The following POLR3F variants were observed in gnomAD, a reference collection of about 807,000 sequenced individuals.
POLR3F encodes the protein DNA-directed RNA polymerase III subunit RPC6.
A neutral mutation model predicts 43.6 loss-of-function variants in POLR3F; 31 were observed. That is an observed-to-expected ratio of 0.71 (90% confidence interval 0.53 to 0.96). The LOEUF is 0.96. Ranked by LOEUF, POLR3F falls within the 40% of genes least tolerant of loss-of-function variation. The probability of loss-of-function intolerance (pLI) is 0.00; values close to 1 mark genes in which losing one functional copy is unlikely to be tolerated. For synonymous variants in POLR3F, 114 were observed against 132.5 expected, an observed-to-expected ratio of 0.86 and a Z score of 0.96; for missense variants, 316 against 391.7, an observed-to-expected ratio of 0.81 and a Z score of 1.63.
chr20:18,482,410 T>G (rs1474283319), intron 8 of POLR3F, among the ~76,000 whole-genome samples: 2 of 152,180 alleles, frequency 1.3e-5, no homozygotes, highest in African/African-American at 4.8e-5. Flanking sequence ...AAAATGAGAT[T>G]TGTTGAGAAC....
chr20:18,483,868 C>T lies in POLR3F; in HGVS notation c.*310C>T, dbSNP rs1281255716. 35 of 392,804 alleles carry T rather than the reference C, an allele frequency of 8.9e-5. No homozygotes were observed. The Admixed American group carries it at 1.5e-3, about 17-fold the overall frequency. 24.3% of individuals were successfully genotyped at this position (392,804 alleles called of 1,614,324 possible). A position where few individuals can be genotyped will look rare whatever the true frequency, so the allele number is the denominator to read the frequency against. ...GTCAAGGAAAAAGATGCCAACATAC[C>T]CGTATTTACCAAGTACTATGATAAT... On this transcript the variant is annotated 3_prime_UTR_variant, in exon 9 of 9. Coordinates refer to ENST00000377603, the MANE Select transcript of POLR3F (RefSeq NM_006466.4).
intron 8 of POLR3F, among the ~76,000 whole-genome samples, chr20:18,482,812 C>A (rs2059817476): frequency 6.6e-6 from 1 of 152,130 alleles, no homozygotes; most frequent in Non-Finnish European, 1.5e-5. Flanking sequence ...AGTCCCTAGA[C>A]AAAAGGCTAA....
At position 18,473,407 on chromosome 20, in the gene POLR3F, G is replaced by A. The variant is rs1014917096; in HGVS notation, c.265G>A (p.Asp89Asn). 13 of 1,417,792 alleles carry A rather than the reference G, an allele frequency of 9.2e-6. No homozygotes were observed. The highest frequency in any genetic ancestry group is 2.3e-5 in the East Asian group (1 of 43,876). The allele number at this position is 1,417,792 out of a possible 1,614,324, so 87.8% of individuals were successfully genotyped here. Residue 89 changes from aspartate (D) to asparagine (N), a missense_variant, in exon 4 of 9, where the codon GAT (aspartate) becomes AAT (asparagine). Physicochemically the swap from Asp to Asn is conservative, Grantham distance 23. Around this residue, in one of 3 missense-constraint regions of POLR3F, gnomAD observed 122 missense variants for 133.8 expected, o/e 0.91. Transcript: ENST00000377603. ...SQNAGKMKGSDNQEKLVYQII... is the reference protein window; with the variant it reads ...SQNAGKMKGSNNQEKLVYQII... ...CCACTACAGTAAAATGAAGGGATCC[G>A]ATAACCAAGAAAAACTAGTATATCA...
At chr20:18,483,075 C>A (rs767768403) in intron 8 of POLR3F, among the ~76,000 whole-genome samples, 15 of 151,074 alleles carry the variant, frequency 9.9e-5, no homozygotes, top group Non-Finnish European at 2.2e-4. Flanking sequence ...CCGCTCCCCC[C>A]TCGCCCCCCG....
intron 2 of POLR3F, among the ~76,000 whole-genome samples, 155 bp from the exon 3 acceptor site, chr20:18,472,687 C>A (rs2059759902): frequency 6.6e-6 from 1 of 151,864 alleles, no homozygotes; most frequent in Non-Finnish European, 1.5e-5. Flanking sequence ...AAGATCTAGC[C>A]TACAGGAAAT....
intron 5 of POLR3F, 152 bp downstream of exon 5, chr20:18,475,339 C>T (rs975546375): frequency 2.1e-5 from 10 of 469,946 alleles, no homozygotes; most frequent in African/African-American, 1.6e-4. Context: ...AGACTTGTCC[C>T]TACACAGTTA....
chr20:18,468,660 C>CT, intron 1 of POLR3F, among the ~76,000 whole-genome samples: 1 of 152,140 alleles, frequency 6.6e-6, no homozygotes, highest in African/African-American at 2.4e-5. Flanking sequence ...GAAGTCTCAG[C>CT]TTTAATATTT....
chr20:18,477,426 C>A (rs530138488), intron 5 of POLR3F, among the ~76,000 whole-genome samples: 1 of 152,238 alleles, frequency 6.6e-6, no homozygotes, highest in South Asian at 2.1e-4. Context: ...CCACATTGTC[C>A]AAAGGTCAAG....
intron 1 of POLR3F, 131 bp downstream of exon 1, chr20:18,467,699 G>A (rs2059703119): frequency 1.3e-6 from 2 of 1,516,998 alleles, no homozygotes; most frequent in African/African-American, 2.8e-5. Flanking sequence ...ACGATTGCGG[G>A]GTTCTGGACC....
chr20:18,475,796 T>C (rs1391257492), intron 5 of POLR3F, among the ~76,000 whole-genome samples: 5 of 152,248 alleles, frequency 3.3e-5, no homozygotes, highest in African/African-American at 1.2e-4. Flanking sequence ...AGCTGTTAGG[T>C]CTGTGGCAGT....
chr20:18,475,146 C>G lies in POLR3F; in HGVS notation c.388C>G (p.Leu130Val). 1 of 1,542,916 alleles carries G rather than the reference C, an allele frequency of 6.5e-7. No homozygotes were observed. The highest frequency in any genetic ancestry group is 1.7e-5 in the Admixed American group (1 of 59,716). ...AGAAATCAACAAAATTCTGAAGAAT[C>G]TGGAAAGTAAAAAGCTTATCAAAGC... ...LTEINKILKNLESKKLIKAVK... is the reference protein window; with the variant it reads ...LTEINKILKNVESKKLIKAVK... The change falls in exon 5 of 9, where the codon CTG becomes GTG. Residue 130 changes from leucine to valine, a missense_variant. This residue lies in a region of POLR3F where 109 missense variants were observed against 177.7 expected (regional missense o/e 0.61). Transcript: ENST00000377603.
Position 18,468,931 on chromosome 20 carries a change from C to T in POLR3F, c.63-13C>T. On this transcript the variant is annotated splice_polypyrimidine_tract_variant and intron_variant, in intron 1 of 8. Transcript: ENST00000377603. ...GTAACCATGAAGGATAACATTAATA[C>T]CTTTGTTTCTAGGATTATAGAATTA... is the stretch of plus-strand genomic sequence containing the variant. 1 of 1,199,610 alleles carries T rather than the reference C, an allele frequency of 8.3e-7. No individual in the cohort carries two copies. Among genetic ancestry groups the T allele is most frequent in the Non-Finnish European group, 1.2e-6 (1 of 801,482 alleles). 74.3% of individuals were successfully genotyped at this position (1,199,610 alleles called of 1,614,324 possible).
chr20:18,468,919 A>C, intron 1 of POLR3F, 25 bp from the exon 2 acceptor site: 1 of 1,071,982 alleles, frequency 9.3e-7, no homozygotes, highest in Non-Finnish European at 1.5e-6. Context: ...ACCATGAAGG[A>C]TAACATTAAT....
intron 5 of POLR3F, 101 bp from the exon 6 acceptor site, chr20:18,479,937 G>A (rs1404564632): frequency 1.3e-6 from 1 of 780,704 alleles, no homozygotes. Flanking sequence ...TACTATCTTT[G>A]CAATAATTTT....
chr20:18,481,575 C>A, intron 7 of POLR3F, 44 bp from the exon 8 acceptor site: 1 of 1,299,614 alleles, frequency 7.7e-7, no homozygotes. Context: ...AAGTGGATGT[C>A]TCCCTATCCT....
intron 2 of POLR3F, among the ~76,000 whole-genome samples, chr20:18,471,284 G>A (rs1022033774): frequency 6.6e-6 from 1 of 152,118 alleles, no homozygotes; most frequent in Non-Finnish European, 1.5e-5. Context: ...TGCTTAGAAG[G>A]TTCTTCTTAT....
At chr20:18,476,752 C>CA (rs1368540479) in intron 5 of POLR3F, among the ~76,000 whole-genome samples, 19 of 152,126 alleles carry the variant, frequency 1.2e-4, no homozygotes, top group Non-Finnish European at 2.4e-4. Context: ...AAGATATTTG[C>CA]AAATCACATA....
chr20:18,470,649 A>C (rs1311902130), intron 2 of POLR3F: 1 of 154,732 alleles, frequency 6.5e-6, no homozygotes, highest in Non-Finnish European at 1.5e-5. Context: ...CAGTGGAAAA[A>C]GTTCTTTTCT....
rs1349795878 is a variant in POLR3F, at chr20:18,478,123, G to C, written c.430-1915G>C. 2.0e-5 allele frequency among the ~76,000 whole-genome samples: 3 copies of C among 152,152 alleles called. No homozygotes were observed. In the East Asian group the frequency reaches 5.8e-4, roughly 29 times the overall value. On this transcript the variant is annotated intron_variant, in intron 5 of 8. Transcript: ENST00000377603. ...TAGCATAAACCCAGGTGTGATCTAA[G>C]GGATTCACCATGAATAACAAGGCCT...
Sources: allele counts gnomAD v4.1 joint callset (sites outside exome capture counted in the v4.1 genomes callset), GRCh38; gene constraint gnomAD v4.1.1; regional missense constraint gnomAD v4.1.1; transcripts MANE v1.5; gene names NCBI Gene and HGNC (gene_info 2026-07-23, HGNC 2026-07-21).